Variants in RECQL5 observed in about 807,000 individuals in gnomAD.
RECQL5 encodes RecQ like helicase 5.
RECQL5 carries 88 observed loss-of-function variants against 103.4 expected under a neutral mutation model. The ratio of observed to expected loss-of-function variants is 0.85; its 90% CI spans 0.72 to 1.02. The LOEUF is 1.02. Among genes scored for constraint, RECQL5 ranks in the 50% least tolerant of loss-of-function variants. The probability of loss-of-function intolerance (pLI) is 0.00; values close to 1 mark genes in which losing one functional copy is unlikely to be tolerated. For missense variants in RECQL5, 1,232 were observed against 1,284.3 expected (o/e 0.96, Z 0.62); for synonymous variants, 552 against 507.9 (o/e 1.09, Z -1.17).
rs12449416 is a variant in RECQL5, at chr17:75,629,955, A to C, written c.1813-113T>G. 12 of 1,399,426 alleles carry C rather than the reference A, an allele frequency of 8.6e-6. No individual in the cohort carries two copies. In the Admixed American group the frequency reaches 2.9e-4, roughly 34 times the overall value. The allele number at this position is 1,399,426 out of a possible 1,614,324, so 86.7% of individuals were successfully genotyped here. On this transcript the variant is annotated intron_variant, in intron 14 of 19. Coordinates refer to ENST00000317905, the MANE Select transcript of RECQL5 (RefSeq NM_004259.7). The stretch of plus-strand genomic sequence containing the variant: ...AAGTGGGTTTCTGTGGCCAGTGGCC[A>C]CAGGCAACTGACCACTGGGCAAGTT...
intron 8 of RECQL5, among the ~76,000 whole-genome samples, chr17:75,645,079 G>C (rs912567478): frequency 1.3e-5 from 2 of 152,158 alleles, no homozygotes; most frequent in African/African-American, 4.8e-5. Context: ...GCCAACCACA[G>C]CTCCTGGATT....
At chr17:75,666,836 G>A (rs1222832599) in intron 1 of RECQL5, 4 of 372,658 alleles carry the variant, frequency 1.1e-5, no homozygotes, top group Non-Finnish European at 1.9e-5. Flanking sequence ...CAGATCAAGA[G>A]AAGAAACATA....
chr17:75,641,931 T>TGA (rs1299803676), intron 8 of RECQL5, among the ~76,000 whole-genome samples: 16 of 152,168 alleles, frequency 1.1e-4, no homozygotes, highest in African/African-American at 2.2e-4. Context: ...CAAATCCTGG[T>TGA]ACTGCTTCCT....
At chr17:75,657,890 A>G (rs1235739790) in intron 7 of RECQL5, among the ~76,000 whole-genome samples, 1 of 152,018 alleles carries the variant, frequency 6.6e-6, no homozygotes, top group Non-Finnish European at 1.5e-5. Flanking sequence ...TCTACTAAAA[A>G]TACAAGAATT....
chr17:75,662,797 C>G lies in RECQL5; in HGVS notation c.453G>C (p.Leu151=), dbSNP rs746744975. Reference sequence around the variant, plus strand: ...GAGCTTCATCCACCACCAAGTAAGACAGCAGGTGGCGGGACACCAGGGAGT... The same window carrying G: ...GAGCTTCATCCACCACCAAGTAAGAGAGCAGGTGGCGGGACACCAGGGAGT... ...TLNSLVSRHL[L]SYLVVDEAHC... Residue 151 remains leucine, a synonymous_variant, in exon 4 of 20, where the codon CTG becomes CTC. Transcript: ENST00000317905. The G allele has an allele frequency of 1.9e-6, 3 of 1,614,028 alleles. No individual in the cohort carries two copies. Among genetic ancestry groups the G allele is most frequent in the Admixed American group, 1.7e-5 (1 of 60,004 alleles).
At chr17:75,664,867 C>A (rs542132717) in intron 3 of RECQL5, among the ~76,000 whole-genome samples, 184 bp downstream of exon 3, 1 of 147,402 alleles carries the variant, frequency 6.8e-6, no homozygotes, top group Admixed American at 6.9e-5. Context: ...GAGCCAAGAT[C>A]GCACCACCGC....
intron 14 of RECQL5, among the ~76,000 whole-genome samples, 158 bp downstream of exon 14, chr17:75,630,025 CA>C (rs775956996): frequency 1.8e-3 from 270 of 152,212 alleles, no homozygotes; most frequent in Non-Finnish European, 3.3e-3. Context: ...CATGTCCAGC[CA>C]GTGGAGAATG....
chr17:75,652,146 G>A (rs1362728449), intron 7 of RECQL5, among the ~76,000 whole-genome samples: 2 of 152,156 alleles, frequency 1.3e-5, no homozygotes, highest in Non-Finnish European at 2.9e-5. Flanking sequence ...AGAATCACTT[G>A]AACCCGGGAG....
chr17:75,639,019 C>T (rs1052717843), intron 8 of RECQL5: 1 of 152,370 alleles, frequency 6.6e-6, no homozygotes, highest in Admixed American at 6.5e-5. Context: ...GGAGGTTCCT[C>T]ACCATCCTGG....
chr17:75,662,774 G>A lies in RECQL5; in HGVS notation c.476C>T (p.Ala159Val). Residue 159 changes from alanine to valine, a missense_variant, in exon 4 of 20, where the codon GCT becomes GTT. Ala to Val is a moderately conservative substitution (Grantham distance 64, BLOSUM62 0). Coordinates refer to ENST00000317905, the MANE Select transcript of RECQL5 (RefSeq NM_004259.7). ...ATGCCCCCATTGGGAAACACAATGA[G>A]CTTCATCCACCACCAAGTAAGACAG... ...HLLSYLVVDE[A>V]HCVSQWGHDF... The A allele has an allele frequency of 6.2e-7, 1 of 1,614,130 alleles. No homozygotes were observed. The highest frequency in any genetic ancestry group is 8.5e-7 in the Non-Finnish European group (1 of 1,180,036).
intron 8 of RECQL5, chr17:75,648,006 A>G (rs1277680494): frequency 5.8e-6 from 1 of 171,286 alleles, no homozygotes; most frequent in Non-Finnish European, 1.4e-5. Flanking sequence ...TAATCCAGAT[A>G]GAGCCACCAG....
intron 8 of RECQL5, among the ~76,000 whole-genome samples, chr17:75,645,921 G>A (rs1490065223): frequency 6.6e-6 from 1 of 152,186 alleles, no homozygotes; most frequent in Non-Finnish European, 1.5e-5. Context: ...GGGCTAGAAG[G>A]GAAGCCCTTG....
chr17:75,658,511 T>TC, intron 6 of RECQL5, 51 bp from the exon 7 acceptor site: 1 of 1,574,458 alleles, frequency 6.4e-7, no homozygotes, highest in East Asian at 2.3e-5. Flanking sequence ...AAGCTGAGTG[T>TC]CCTTTGGAGG....
chr17:75,630,414 G>T, intron 13 of RECQL5, 137 bp from the exon 14 acceptor site: 1 of 922,360 alleles, frequency 1.1e-6, no homozygotes, highest in Non-Finnish European at 1.6e-6. Flanking sequence ...AGCACCCTGT[G>T]GCTTACTGTC....
intron 8 of RECQL5, among the ~76,000 whole-genome samples, chr17:75,633,180 C>A (rs760349294): frequency 1.3e-5 from 2 of 152,258 alleles, no homozygotes; most frequent in Admixed American, 1.3e-4. Flanking sequence ...GCACAGCGGC[C>A]GCCTGTCCAG....
At chr17:75,630,065 G>C (rs1309560259) in intron 14 of RECQL5, 119 bp downstream of exon 14, 2 of 943,466 alleles carry the variant, frequency 2.1e-6, no homozygotes, top group Non-Finnish European at 3.1e-6. Flanking sequence ...CTGTCTCTGG[G>C]GTGGGCTGGG....
chr17:75,630,851 G>GA lies in RECQL5; in HGVS notation c.1586-15_1586-14insT. On this transcript the variant is annotated splice_polypyrimidine_tract_variant and intron_variant, in intron 11 of 19. Transcript: ENST00000317905. ...GACAGTTCTCATCTGTGGGGGGGGG[G>GA]GGTGGTCCTTGGTCCTTTCGCTCCA... is the stretch of plus-strand genomic sequence containing the variant. 2 of 1,448,118 alleles carry GA rather than the reference G, an allele frequency of 1.4e-6. No individual in the cohort carries two copies. Among genetic ancestry groups the GA allele is most frequent in the East Asian group, 2.4e-5 (1 of 41,212 alleles). The allele number at this position is 1,448,118 out of a possible 1,614,324, so 89.7% of individuals were successfully genotyped here.
At chr17:75,631,391 C>G in intron 9 of RECQL5, 59 bp downstream of exon 9, 1 of 1,577,242 alleles carries the variant, frequency 6.3e-7, no homozygotes, top group Non-Finnish European at 8.7e-7. Context: ...CTGGCCCTGG[C>G]GCCAAGGGAA....
intron 7 of RECQL5, among the ~76,000 whole-genome samples, chr17:75,654,112 A>G (rs185082551): frequency 1.6e-4 from 24 of 152,358 alleles, no homozygotes; most frequent in Middle Eastern, 3.4e-3. Context: ...GACTATGTCA[A>G]CAGAGTTCAC....
Sources: gnomAD v4.1 joint callset for allele counts (sites outside exome capture counted in the v4.1 genomes callset) on GRCh38, gnomAD v4.1.1 for gene constraint, MANE v1.5 for transcripts, NCBI Gene and HGNC (gene_info 2026-07-23, HGNC 2026-07-21) for gene names.